The following TMEM8B variants were observed in gnomAD, a reference collection of about 807,000 sequenced individuals.
TMEM8B encodes the protein transmembrane protein 8B, also known as nasopharyngeal carcinoma expressed 6.
A neutral mutation model predicts 49.3 loss-of-function variants in TMEM8B; 29 were observed. The ratio of observed to expected loss-of-function variants is 0.59; its 90% CI spans 0.44 to 0.80. The LOEUF is 0.80. Ranked by LOEUF, TMEM8B falls within the 30% of genes least tolerant of loss-of-function variation. The pLI is 0.00. For synonymous variants in TMEM8B, 264 were observed against 272.8 expected (o/e 0.97, Z 0.32); for missense variants, 575 against 658.5 (o/e 0.87, Z 1.39).
intron 10 of TMEM8B, 134 bp from the exon 11 acceptor site, chr9:35,852,693 C>T: frequency 2.9e-6 from 3 of 1,041,358 alleles, no homozygotes; most frequent in Non-Finnish European, 4.3e-6. Flanking sequence ...AGGCATTTCC[C>T]AGATCTTCTC....
Position 35,829,693 on chromosome 9 carries a change from T to C in TMEM8B, c.246T>C (p.Ala82=). The part of the protein sequence containing the change: ...PHSQCLLKAL[A]QPRPLLQSPS... ...CCCAGTGTTTGCTTAAGGCCCTGGC[T>C]CAACCCCGTCCCTTGCTGCAGTCCC... Residue 82 remains alanine (A), a synonymous_variant, in exon 1 of 13, where the codon GCT becomes GCC. Coordinates refer to ENST00000643932, the MANE Select transcript of TMEM8B (RefSeq NM_001042590.4). The C allele has an allele frequency of 2.5e-6, 1 of 403,604 alleles. No homozygotes were observed. Among genetic ancestry groups the C allele is most frequent in the Non-Finnish European group, 4.4e-6 (1 of 227,018 alleles). 25.0% of individuals were successfully genotyped at this position (403,604 alleles called of 1,614,324 possible). A position where few individuals can be genotyped will look rare whatever the true frequency, so the allele number is the denominator to read the frequency against.
At chr9:35,852,732 G>A in intron 10 of TMEM8B, 95 bp from the exon 11 acceptor site, 1 of 1,426,536 alleles carries the variant, frequency 7.0e-7, no homozygotes, top group Non-Finnish European at 9.7e-7. Context: ...CTGCTGCACT[G>A]ACAGCAGCAC....
chr9:35,841,621 G>T lies in TMEM8B; in HGVS notation c.1136G>T (p.Arg379Leu), dbSNP rs562587412. 1 of 416,238 alleles carries T rather than the reference G, an allele frequency of 2.4e-6. No individual in the cohort carries two copies. The highest frequency in any genetic ancestry group is 4.4e-6 in the Non-Finnish European group (1 of 226,762). The allele number at this position is 416,238 out of a possible 1,614,324, so 25.8% of individuals were successfully genotyped here. The change falls in exon 5 of 13, where the codon CGT becomes CTT. Residue 379 changes from arginine (R) to leucine (L), a missense_variant. Arg to Leu is a moderately radical substitution (Grantham distance 102, BLOSUM62 -2). Coordinates refer to ENST00000643932, the MANE Select transcript of TMEM8B (RefSeq NM_001042590.4). The surrounding 1 kb of genome is among the most constrained non-coding windows in gnomAD (Gnocchi z 5.9). Reference sequence around the variant, plus strand: ...GCCTGCCCCCTGTCACTGCGTCTGCGTCCCAAAGCCCCACCCCTGCACAAC... The same window carrying T: ...GCCTGCCCCCTGTCACTGCGTCTGCTTCCCAAAGCCCCACCCCTGCACAAC... ...VSACPLSLRL[R>L]PKAPPLHNSS...
At chr9:35,840,556 C>T (rs1367325007) in intron 3 of TMEM8B, among the ~76,000 whole-genome samples, 4 of 151,924 alleles carry the variant, frequency 2.6e-5, no homozygotes, top group Non-Finnish European at 1.5e-5. Context: ...CACTCATTAC[C>T]TGTGTAGGGC....
chr9:35,834,608 G>A lies in TMEM8B; in HGVS notation c.656G>A (p.Gly219Glu). ...VWNLIIFKEQ[G>E]GTFGDHCPDQ... ...AACCTCATCATCTTCAAGGAGCAAG[G>A]GGGAACTTTTGGGGACCACTGCCCA... is the stretch of plus-strand genomic sequence containing the variant. Residue 219 changes from glycine (G) to glutamate (E), a missense_variant, in exon 2 of 13, where the codon GGG (glycine) becomes GAG (glutamate). By Grantham distance (98) the Gly-to-Glu change is moderately conservative. Coordinates refer to ENST00000643932, the MANE Select transcript of TMEM8B (RefSeq NM_001042590.4). 1 of 415,930 alleles carries A rather than the reference G, an allele frequency of 2.4e-6. No homozygotes were observed. Among genetic ancestry groups the A allele is most frequent in the Non-Finnish European group, 4.4e-6 (1 of 226,438 alleles). 25.8% of individuals were successfully genotyped at this position (415,930 alleles called of 1,614,324 possible).
Position 35,846,906 on chromosome 9 carries a change from C to G in TMEM8B, c.2086C>G (p.Leu696Val). ...CACACTCCTGCTCTGCCTGAGCAAC[C>G]TCATGTTTCTGCCACCTGTGGTCCT... is the stretch of plus-strand genomic sequence containing the variant. ...LSTLLLCLSN[L>V]MFLPPVVLAI... The change falls in exon 10 of 13, where the codon CTC becomes GTC. Residue 696 changes from leucine to valine, a missense_variant. Leu to Val is a conservative substitution (Grantham distance 32, BLOSUM62 1). Transcript: ENST00000643932. The G allele has an allele frequency of 6.2e-7, 1 of 1,614,272 alleles. No homozygotes were observed. Among genetic ancestry groups the G allele is most frequent in the Non-Finnish European group, 8.5e-7 (1 of 1,180,048 alleles).
intron 3 of TMEM8B, chr9:35,835,484 G>A (rs976232562): frequency 5.8e-6 from 2 of 343,046 alleles, no homozygotes; most frequent in Admixed American, 4.8e-5. Context: ...CAGAGGCTCT[G>A]GCACAGGGGA....
Position 35,860,826 on chromosome 9 carries a change from C to T in TMEM8B, c.*6986C>T, listed in dbSNP as rs1330572483. On this transcript the variant is annotated 3_prime_UTR_variant, in exon 13 of 13. Coordinates refer to ENST00000643932, the MANE Select transcript of TMEM8B (RefSeq NM_001042590.4). ...ATGTCACACGAGGAGGGAAGCCAGG[C>T]ACGAATCTGGTGGAGGTGCGGTCAG... The T allele has an allele frequency of 2.0e-5, 3 of 152,230 alleles. No homozygotes were observed. The highest frequency in any genetic ancestry group is 7.2e-5 in the African/African-American group (3 of 41,430). 9.4% of individuals were successfully genotyped at this position (152,230 alleles called of 1,614,324 possible). A position where few individuals can be genotyped will look rare whatever the true frequency, so the allele number is the denominator to read the frequency against.
At chr9:35,845,255 G>T (rs74861081) in intron 6 of TMEM8B, 3,841 of 286,594 alleles carry the variant, frequency 0.013, 105 homozygotes, top group African/African-American at 0.069. Flanking sequence ...TGCTTGGAAG[G>T]CAGTATCAAA....
intron 2 of TMEM8B, 103 bp downstream of exon 2, chr9:35,834,753 G>A (rs562632310): frequency 3.2e-5 from 13 of 411,664 alleles, no homozygotes; most frequent in East Asian, 2.1e-4. Context: ...CCCAACCCGC[G>A]TCCAGATTGA....
intron 3 of TMEM8B, among the ~76,000 whole-genome samples, chr9:35,839,523 A>C (rs1256770680): frequency 6.6e-6 from 1 of 152,206 alleles, no homozygotes; most frequent in African/African-American, 2.4e-5. Context: ...TGTGCACGTT[A>C]CACAGTTGAA....
In TMEM8B at chr9:35,853,580, A is replaced by G; in HGVS notation, c.2515A>G (p.Ser839Gly). The G allele has an allele frequency of 6.2e-7, 1 of 1,614,240 alleles. No individual in the cohort carries two copies. The highest frequency in any genetic ancestry group is 8.5e-7 in the Non-Finnish European group (1 of 1,180,050). ...RRWLFYLCPG[S>G]LIAGSAVLLY... ...CTGGCTTTTCTACTTGTGCCCTGGC[A>G]GCCTTATTGCAGGCAGTGCCGTCCT... The change falls in exon 13 of 13, where the codon AGC (serine) becomes GGC (glycine). Residue 839 changes from serine (S) to glycine (G), a missense_variant. Ser to Gly is a moderately conservative substitution (Grantham distance 56). Transcript: ENST00000643932. The surrounding 1 kb of genome is among the most constrained non-coding windows in gnomAD (Gnocchi z 4.2).
chr9:35,839,544 C>T (rs3793544), intron 3 of TMEM8B, among the ~76,000 whole-genome samples: 126,249 of 152,200 alleles, frequency 0.83, 53,630 homozygotes, highest in Middle Eastern at 0.95. Context: ...GGAAGGAGCA[C>T]GTCTTAACCA....
In TMEM8B at chr9:35,846,255, CAG is replaced by C. The variant is rs1831541905; in HGVS notation, c.1730_1731del. On this transcript the variant is annotated splice_acceptor_variant, in intron 7 of 12. Transcript: ENST00000643932. LOFTEE classifies it high-confidence loss of function. ...CTCACTGACTCCTTCCTTCTCCCTT[CAG>C]AGTCCCTGGCCGGCTTCCTCCTCTC... The C allele has an allele frequency of 6.2e-7, 1 of 1,614,082 alleles. No individual in the cohort carries two copies. Among genetic ancestry groups the C allele is most frequent in the African/African-American group, 1.3e-5 (1 of 74,938 alleles).
At position 35,842,667 on chromosome 9, in the gene TMEM8B, C is replaced by G; in HGVS notation, c.1585C>G (p.Pro529Ala). The change falls in exon 6 of 13, where the codon CCA (proline) becomes GCA (alanine). Residue 529 changes from proline (P) to alanine (A), a missense_variant. By Grantham distance (27) the Pro-to-Ala change is conservative. Coordinates refer to ENST00000643932, the MANE Select transcript of TMEM8B (RefSeq NM_001042590.4). The surrounding 1 kb of genome is among the most constrained non-coding windows in gnomAD (Gnocchi z 5.6). ...AGCCGTGTTCGCCATGAGGCTGTTG[C>G]CAGTGCTGGACAGTGGAGGCGTCCT... ...RPAVFAMRLL[P>A]VLDSGGVLSL... The G allele has an allele frequency of 1.2e-6, 2 of 1,614,050 alleles. No individual in the cohort carries two copies. The highest frequency in any genetic ancestry group is 1.7e-6 in the Non-Finnish European group (2 of 1,179,954).
At position 35,852,854 on chromosome 9, in the gene TMEM8B, A is replaced by T; in HGVS notation, c.2203A>T (p.Ile735Phe). ...CTATCATGCCTGTGACCAGCCAGGC[A>T]TCGTGGTTTTCTGCATCATGGACTA... is the stretch of plus-strand genomic sequence containing the variant. ...TFYHACDQPG[I>F]VVFCIMDYDV... Residue 735 changes from isoleucine to phenylalanine, a missense_variant, in exon 11 of 13, where the codon ATC becomes TTC. Physicochemically the swap from Ile to Phe is conservative, Grantham distance 21 (BLOSUM62 0). Coordinates refer to ENST00000643932, the MANE Select transcript of TMEM8B (RefSeq NM_001042590.4). 6.2e-7 allele frequency: 1 copy of T among 1,614,114 alleles called. No individual in the cohort carries two copies. Among genetic ancestry groups the T allele is most frequent in the Non-Finnish European group, 8.5e-7 (1 of 1,180,016 alleles).
chr9:35,854,132 A>T lies in TMEM8B; in HGVS notation c.*292A>T, dbSNP rs1416371910. The T allele has an allele frequency of 1.3e-6, 1 of 747,628 alleles. No individual in the cohort carries two copies. Among genetic ancestry groups the T allele is most frequent in the East Asian group, 4.1e-5 (1 of 24,226 alleles). The allele number at this position is 747,628 out of a possible 1,614,324, so 46.3% of individuals were successfully genotyped here. A position where few individuals can be genotyped will look rare whatever the true frequency, so the allele number is the denominator to read the frequency against. On this transcript the variant is annotated 3_prime_UTR_variant, in exon 13 of 13. Transcript: ENST00000643932. Reference sequence around the variant, plus strand: ...CTGCAGGTGTGGAGCCTTTCCTGGGATGCAGAGCCTTCCCAAGACATGGAT... The same window carrying T: ...CTGCAGGTGTGGAGCCTTTCCTGGGTTGCAGAGCCTTCCCAAGACATGGAT...
At chr9:35,845,555 A>G (rs960579877) in intron 6 of TMEM8B, 1 of 985,322 alleles carries the variant, frequency 1.0e-6, no homozygotes, top group African/African-American at 1.7e-5. Flanking sequence ...GAGTGTCTTC[A>G]TGCTCCACCT....
At chr9:35,836,050 G>A (rs565106257) in intron 3 of TMEM8B, among the ~76,000 whole-genome samples, 3 of 152,310 alleles carry the variant, frequency 2.0e-5, no homozygotes, top group East Asian at 1.9e-4. Flanking sequence ...GTGAAGAAAC[G>A]AGCAAGAACA....
Sources: gnomAD v4.1 joint callset for allele counts (sites outside exome capture counted in the v4.1 genomes callset) on GRCh38, gnomAD v4.1.1 for gene constraint, Gnocchi (gnomAD v3.1) non-coding constraint, MANE v1.5 for transcripts, NCBI Gene and HGNC (gene_info 2026-07-23, HGNC 2026-07-21) for gene names.